C10orf90: variants seen among roughly 807,000 people sequenced by gnomAD.
C10orf90 encodes the protein (E2-independent) E3 ubiquitin-conjugating enzyme FATS.
A neutral mutation model predicts 62.5 loss-of-function variants in C10orf90; 56 were observed. That is an observed-to-expected ratio of 0.90 (90% confidence interval 0.72 to 1.12). The LOEUF is 1.12. Among genes scored for constraint, C10orf90 ranks in the 50% most tolerant of loss-of-function variants. C10orf90 has a pLI of 0.00. For missense variants in C10orf90, 970 were observed against 880.4 expected, an observed-to-expected ratio of 1.10 and a Z score of -1.29; for synonymous variants, 386 against 340.4, an observed-to-expected ratio of 1.13 and a Z score of -1.47.
At chr10:126,607,054 G>A (rs1261766583) in intron 2 of C10orf90, among the ~76,000 whole-genome samples, 1 of 152,162 alleles carries the variant, frequency 6.6e-6, no homozygotes, top group Non-Finnish European at 1.5e-5. Context: ...CCTTTGCCAT[G>A]GAGTTACCAT....
chr10:126,563,817 G>A (rs541726605), intron 2 of C10orf90, among the ~76,000 whole-genome samples: 23 of 152,294 alleles, frequency 1.5e-4, no homozygotes, highest in Non-Finnish European at 2.2e-4. Context: ...AACCAACACC[G>A]ACCGAGGATC....
At chr10:126,640,003 G>T (rs1474253919) in intron 2 of C10orf90, among the ~76,000 whole-genome samples, 1 of 152,192 alleles carries the variant, frequency 6.6e-6, no homozygotes, top group Non-Finnish European at 1.5e-5. Context: ...GTGTCACACA[G>T]TGGCAAGGGC....
chr10:126,593,786 TTTG>T (rs148300558), intron 2 of C10orf90, among the ~76,000 whole-genome samples: 14,612 of 152,134 alleles, frequency 0.096, 1,005 homozygotes, highest in Non-Finnish European at 0.14. Context: ...TTAAAAAGTT[TTTG>T]TTGTTGTTGT....
chr10:126,456,492 C>T lies in C10orf90; in HGVS notation c.2188+2548G>A, dbSNP rs540089475. 2.0e-5 allele frequency among the ~76,000 whole-genome samples: 3 copies of T among 152,202 alleles called. No individual in the cohort carries two copies. The East Asian group carries it at 5.8e-4, about 29-fold the overall frequency. Reference sequence around the variant, plus strand: ...TTTATTACATACAATTTTAAGACTTCCATTTAAAAGAATGTGAACTTGTAA... The same window carrying T: ...TTTATTACATACAATTTTAAGACTTTCATTTAAAAGAATGTGAACTTGTAA... On this transcript the variant is annotated intron_variant, in intron 7 of 9. Coordinates refer to ENST00000488181, the MANE Select transcript of C10orf90 (RefSeq NM_001350921.2). The surrounding 1 kb of genome is among the most constrained non-coding windows in gnomAD (Gnocchi z 4.9).
At chr10:126,667,696 G>A (rs79918233) in intron 1 of C10orf90, among the ~76,000 whole-genome samples, 21,847 of 152,146 alleles carry the variant, frequency 0.14, 1,724 homozygotes, top group South Asian at 0.22. Flanking sequence ...AAGCTCTGCT[G>A]CATAGAGAGT....
chr10:126,627,620 C>T (rs146441964), intron 2 of C10orf90, among the ~76,000 whole-genome samples: 1,792 of 152,152 alleles, frequency 0.012, 20 homozygotes, highest in African/African-American at 0.015. Context: ...ATACTCACTG[C>T]TAGTTCATTT....
chr10:126,431,043 T>C (rs1293224026), intron 7 of C10orf90, among the ~76,000 whole-genome samples: 1 of 152,128 alleles, frequency 6.6e-6, no homozygotes, highest in Non-Finnish European at 1.5e-5. Context: ...AAAAAGAATA[T>C]GGCACCATCG....
At chr10:126,603,683 G>A (rs141357349) in intron 2 of C10orf90, among the ~76,000 whole-genome samples, 27 of 152,230 alleles carry the variant, frequency 1.8e-4, no homozygotes, top group Admixed American at 1.4e-3. Flanking sequence ...ATGTGAAGGC[G>A]AAGTGTGATA....
intron 2 of C10orf90, among the ~76,000 whole-genome samples, chr10:126,613,275 C>T (rs1047157236): frequency 3.3e-5 from 5 of 152,118 alleles, no homozygotes; most frequent in Admixed American, 6.6e-5. Context: ...CCTCTCTCCA[C>T]CTAGGTTGGA....
intron 2 of C10orf90, among the ~76,000 whole-genome samples, chr10:126,635,212 T>C (rs1220781469): frequency 6.6e-6 from 1 of 152,192 alleles, no homozygotes; most frequent in East Asian, 1.9e-4. Flanking sequence ...AACTAGAAGC[T>C]GAGGGTCATT....
At chr10:126,451,684 CAT>C (rs1346375063) in intron 7 of C10orf90, among the ~76,000 whole-genome samples, 1 of 148,160 alleles carries the variant, frequency 6.7e-6, no homozygotes, top group Non-Finnish European at 1.5e-5. Context: ...CACAATTTCT[CAT>C]AGTCTATTGA....
chr10:126,604,426 A>G (rs1347580378), intron 2 of C10orf90, among the ~76,000 whole-genome samples: 5 of 152,242 alleles, frequency 3.3e-5, no homozygotes, highest in Admixed American at 6.5e-5. Flanking sequence ...AAGAAAAAAA[A>G]TACACCATAT....
rs191496140 is a variant in C10orf90, at chr10:126,526,486, C to T, written c.314-12547G>A. Reference sequence around the variant, plus strand: ...GTCTCGATCTCCTGACCTCGTGATCCGCCCGCCTCGGCCTCCCAAAGTGCT... The same window carrying T: ...GTCTCGATCTCCTGACCTCGTGATCTGCCCGCCTCGGCCTCCCAAAGTGCT... On this transcript the variant is annotated intron_variant, in intron 2 of 9. Transcript: ENST00000488181. Among the ~76,000 whole-genome samples, 1,247 of 152,160 alleles carry T rather than the reference C, an allele frequency of 8.2e-3. 16 individuals are homozygous for T. Among genetic ancestry groups the T allele is most frequent in the African/African-American group, 0.028 (1,179 of 41,502 alleles).
intron 2 of C10orf90, among the ~76,000 whole-genome samples, chr10:126,616,039 G>T (rs1845533759): frequency 6.6e-6 from 1 of 152,214 alleles, no homozygotes; most frequent in African/African-American, 2.4e-5. Context: ...GCTGAGAACT[G>T]CCTTGAGGCA....
chr10:126,666,217 G>A (rs1321925994), intron 1 of C10orf90, among the ~76,000 whole-genome samples: 1 of 152,122 alleles, frequency 6.6e-6, no homozygotes, highest in East Asian at 1.9e-4. Context: ...GCCACCAGTA[G>A]CATTTTCCCC....
At chr10:126,651,044 T>A (rs1209293840) in intron 1 of C10orf90, among the ~76,000 whole-genome samples, 1 of 152,232 alleles carries the variant, frequency 6.6e-6, no homozygotes, top group African/African-American at 2.4e-5. Context: ...CCATGAGCTT[T>A]GACTAAACAT....
intron 2 of C10orf90, among the ~76,000 whole-genome samples, chr10:126,637,275 C>A (rs532484923): frequency 2.6e-4 from 40 of 152,122 alleles, no homozygotes; most frequent in Non-Finnish European, 4.6e-4. Flanking sequence ...CACTCTGTGT[C>A]GTCTCAAAGT....
chr10:126,610,253 C>T lies in C10orf90; in HGVS notation c.313+36312G>A, dbSNP rs116447507. Among the ~76,000 whole-genome samples the T allele has an allele frequency of 3.3e-3, 507 of 152,316 alleles. 4 individuals are homozygous for T. The highest frequency in any genetic ancestry group is 0.011 in the African/African-American group (472 of 41,574). ...AAGGGCAGTTGGGGTGTTTAATCCC[C>T]TGGCTCTGCCTGGTGGGCCCTTTAT... On this transcript the variant is annotated intron_variant, in intron 2 of 9. Coordinates refer to ENST00000488181, the MANE Select transcript of C10orf90 (RefSeq NM_001350921.2).
intron 2 of C10orf90, among the ~76,000 whole-genome samples, chr10:126,543,428 G>C (rs1864420798): frequency 6.6e-6 from 1 of 152,206 alleles, no homozygotes; most frequent in South Asian, 2.1e-4. Flanking sequence ...GTAAGTGTAG[G>C]ATATTATTAG....
Sources: gnomAD v4.1 joint callset for allele counts (sites outside exome capture counted in the v4.1 genomes callset) on GRCh38, gnomAD v4.1.1 for gene constraint, Gnocchi (gnomAD v3.1) non-coding constraint, MANE v1.5 for transcripts, NCBI Gene and HGNC (gene_info 2026-07-23, HGNC 2026-07-21) for gene names.